Variants in FAM171A1 observed in about 807,000 individuals in gnomAD.
FAM171A1 encodes family with sequence similarity 171 member A1.
FAM171A1 carries 23 observed loss-of-function variants against 74.9 expected under a neutral mutation model. That is an observed-to-expected ratio of 0.31 (90% CI 0.22 to 0.44). The LOEUF is 0.44. Among genes scored for constraint, FAM171A1 ranks in the 20% least tolerant of loss-of-function variants. The probability of loss-of-function intolerance (pLI) is 1.00; values close to 1 mark genes in which losing one functional copy is unlikely to be tolerated. For synonymous variants in FAM171A1, 527 were observed against 505.7 expected, an observed-to-expected ratio of 1.04 and a Z score of -0.57; for missense variants, 1,162 against 1,159.2, an observed-to-expected ratio of 1.00 and a Z score of -0.03.
At chr10:15,264,633 A>T (rs1368979834) in intron 3 of FAM171A1, among the ~76,000 whole-genome samples, 1 of 151,772 alleles carries the variant, frequency 6.6e-6, no homozygotes, top group Non-Finnish European at 1.5e-5. Flanking sequence ...AAAAAAAAAA[A>T]ATTAGCCAGG....
intron 1 of FAM171A1, among the ~76,000 whole-genome samples, chr10:15,339,160 T>C (rs548661195): frequency 1.3e-5 from 2 of 152,334 alleles, no homozygotes; most frequent in South Asian, 4.1e-4. Context: ...AAATATAGAA[T>C]AATTTTTGAT....
intron 5 of FAM171A1, among the ~76,000 whole-genome samples, chr10:15,243,745 T>C (rs1834392244): frequency 6.6e-6 from 1 of 152,192 alleles, no homozygotes; most frequent in Non-Finnish European, 1.5e-5. Context: ...CATCCTTTTA[T>C]AACGTGTACA....
chr10:15,288,905 C>CT (rs1564633900), intron 1 of FAM171A1, among the ~76,000 whole-genome samples: 1 of 147,424 alleles, frequency 6.8e-6, no homozygotes, highest in African/African-American at 2.5e-5. Flanking sequence ...TCACTGCAAC[C>CT]TCCACTTCCC....
intron 5 of FAM171A1, among the ~76,000 whole-genome samples, chr10:15,247,078 A>G (rs1199234558): frequency 6.6e-6 from 1 of 152,264 alleles, no homozygotes; most frequent in Admixed American, 6.5e-5. Flanking sequence ...AGATTTAGCT[A>G]GAAAGATATT....
rs116641779 is a variant in FAM171A1 at position 15,365,888 on chromosome 10, A to G, written c.97+5068T>C. ...TGGCGAATGAAACAGAGGCTTGATC[A>G]GAGAAGGTGGAGTCATCTTACATAT... On this transcript the variant is annotated intron_variant, in intron 1 of 7. Transcript: ENST00000378116. Among the ~76,000 whole-genome samples the G allele has an allele frequency of 6.1e-3, 936 of 152,322 alleles. 7 individuals are homozygous for G. The highest frequency in any genetic ancestry group is 0.021 in the African/African-American group (875 of 41,562).
At chr10:15,240,447 A>AT (rs1265669403) in intron 5 of FAM171A1, among the ~76,000 whole-genome samples, 1 of 152,174 alleles carries the variant, frequency 6.6e-6, no homozygotes, top group African/African-American at 2.4e-5. Flanking sequence ...AACAAATTCA[A>AT]TGTTATTTGT....
chr10:15,238,389 C>T (rs1317133982), intron 5 of FAM171A1, among the ~76,000 whole-genome samples: 1 of 152,194 alleles, frequency 6.6e-6, no homozygotes, highest in Non-Finnish European at 1.5e-5. Context: ...GCCTTCGCTA[C>T]AATTGATGAG....
intron 1 of FAM171A1, among the ~76,000 whole-genome samples, chr10:15,345,985 T>C (rs1252551788): frequency 6.6e-6 from 1 of 152,140 alleles, no homozygotes; most frequent in East Asian, 1.9e-4. Context: ...AGCAGACAGC[T>C]AAGGCATGAG....
chr10:15,363,435 A>G (rs1420694403), intron 1 of FAM171A1, among the ~76,000 whole-genome samples: 1 of 152,244 alleles, frequency 6.6e-6, no homozygotes, highest in African/African-American at 2.4e-5. Context: ...AAATGAATGA[A>G]TACTATGTCT....
chr10:15,212,654 C>T lies in FAM171A1; in HGVS notation c.*261G>A, dbSNP rs1034198697. 106 of 520,772 alleles carry T rather than the reference C, an allele frequency of 2.0e-4. No homozygotes were observed. Among genetic ancestry groups the T allele is most frequent in the Admixed American group, 4.2e-4 (11 of 26,228 alleles). The allele number at this position is 520,772 out of a possible 1,614,324, so 32.3% of individuals were successfully genotyped here. ...TTCTTAATGTCCCTGGTGGCGGATA[C>T]GCCGAGTCCTCGGAAGGACATCTGG... On this transcript the variant is annotated 3_prime_UTR_variant, in exon 8 of 8. Transcript: ENST00000378116.
chr10:15,323,603 G>A (rs562162156), intron 1 of FAM171A1, among the ~76,000 whole-genome samples: 2 of 152,146 alleles, frequency 1.3e-5, no homozygotes, highest in African/African-American at 4.8e-5. Context: ...AAATGGACTT[G>A]GTGGGCATAT....
In FAM171A1 at chr10:15,361,775, CA is replaced by C. The variant is rs1367611013; in HGVS notation, c.97+9180del. Reference sequence around the variant, plus strand: ...TTCAGTGCTCTTCATTCAGCTCTGCCAAAATGACATTAAAACTCTTTCTCCC... The same window carrying C: ...TTCAGTGCTCTTCATTCAGCTCTGCCAAATGACATTAAAACTCTTTCTCCC... On this transcript the variant is annotated intron_variant, in intron 1 of 7. Transcript: ENST00000378116. 2.0e-5 allele frequency among the ~76,000 whole-genome samples: 3 copies of C among 152,114 alleles called. No homozygotes were observed. The East Asian group carries it at 5.8e-4, about 29-fold the overall frequency.
At chr10:15,352,771 C>T (rs1835893809) in intron 1 of FAM171A1, among the ~76,000 whole-genome samples, 1 of 152,178 alleles carries the variant, frequency 6.6e-6, no homozygotes, top group Non-Finnish European at 1.5e-5. Context: ...TGTTAAAAGC[C>T]ACTTGAATGG....
intron 5 of FAM171A1, 21 bp downstream of exon 5, chr10:15,248,618 C>A: frequency 1.9e-6 from 3 of 1,566,978 alleles, no homozygotes; most frequent in South Asian, 2.4e-5. Flanking sequence ...AGCCGATTGT[C>A]GGCACAGAAC....
chr10:15,254,082 C>T (rs1306425627), intron 4 of FAM171A1, among the ~76,000 whole-genome samples: 1 of 152,210 alleles, frequency 6.6e-6, no homozygotes, highest in Non-Finnish European at 1.5e-5. Flanking sequence ...CAAAGCCTGG[C>T]CACTCTATGC....
At chr10:15,239,283 TC>T (rs543578407) in intron 5 of FAM171A1, among the ~76,000 whole-genome samples, 329 of 152,216 alleles carry the variant, frequency 2.2e-3, no homozygotes, top group African/African-American at 7.4e-3. Context: ...CAATAAATAT[TC>T]ACTTTATTTA....
intron 1 of FAM171A1, among the ~76,000 whole-genome samples, chr10:15,354,616 C>G (rs1041532205): frequency 2.0e-5 from 3 of 152,186 alleles, no homozygotes; most frequent in African/African-American, 7.2e-5. Flanking sequence ...ATCTGTAAGT[C>G]CTTTCTCCAA....
At chr10:15,235,726 C>T (rs1834279707) in intron 5 of FAM171A1, among the ~76,000 whole-genome samples, 1 of 152,260 alleles carries the variant, frequency 6.6e-6, no homozygotes, top group East Asian at 1.9e-4. Flanking sequence ...AGAATATTTT[C>T]ATGTTAAGTT....
upstream of FAM171A1, among the ~76,000 whole-genome samples, chr10:15,371,940 A>G (rs929663603): frequency 2.0e-5 from 3 of 152,274 alleles, no homozygotes; most frequent in Admixed American, 2.0e-4. Flanking sequence ...AGCAGGAACA[A>G]GTGGGGATTT....
Sources: gnomAD v4.1 joint callset for allele counts (sites outside exome capture counted in the v4.1 genomes callset) on GRCh38, gnomAD v4.1.1 for gene constraint, MANE v1.5 for transcripts, NCBI Gene and HGNC (gene_info 2026-07-23, HGNC 2026-07-21) for gene names.